The following OR2A12 variants were observed in gnomAD, a reference collection of about 807,000 sequenced individuals.
The protein encoded by OR2A12 is olfactory receptor family 2 subfamily A member 12.
For missense variants in OR2A12, 380 were observed against 372.5 expected (o/e 1.02, Z -0.17); for synonymous variants, 153 against 149.3 (o/e 1.02, Z -0.18).
chr7:144,092,043 G>A (rs1348850137), intron 1 of OR2A12, among the ~76,000 whole-genome samples: 3 of 152,080 alleles, frequency 2.0e-5, no homozygotes, highest in Non-Finnish European at 4.4e-5. Context: ...GTGTAAGGAA[G>A]GGGTCCAGTT....
chr7:144,087,879 G>A (rs2051197986), intron 1 of OR2A12, among the ~76,000 whole-genome samples: 1 of 152,122 alleles, frequency 6.6e-6, no homozygotes, highest in South Asian at 2.1e-4. Context: ...GTTTATTTTT[G>A]TGCATGGTGT....
intron 1 of OR2A12, among the ~76,000 whole-genome samples, chr7:144,089,211 C>A (rs1032393246): frequency 6.6e-6 from 1 of 151,930 alleles, no homozygotes; most frequent in Admixed American, 6.6e-5. Context: ...TGTATAGTAT[C>A]ACCTACATGC....
At chr7:144,090,935 T>A (rs2051223222) in intron 1 of OR2A12, among the ~76,000 whole-genome samples, 1 of 152,214 alleles carries the variant, frequency 6.6e-6, no homozygotes, top group Non-Finnish European at 1.5e-5. Context: ...GTCTACCAGT[T>A]TTTAATATTT....
intron 1 of OR2A12, among the ~76,000 whole-genome samples, chr7:144,088,252 T>C (rs933150793): frequency 5.9e-5 from 9 of 152,174 alleles, no homozygotes; most frequent in Admixed American, 2.6e-4. Flanking sequence ...CCTCAAGTGA[T>C]CCACCCACCT....
chr7:144,093,515 A>G (rs1314415007), intron 1 of OR2A12, among the ~76,000 whole-genome samples: 1 of 151,866 alleles, frequency 6.6e-6, no homozygotes, highest in Non-Finnish European at 1.5e-5. Flanking sequence ...TTTAGGGTAC[A>G]TGTGCACAAC....
At chr7:144,091,119 G>T (rs563874285) in intron 1 of OR2A12, among the ~76,000 whole-genome samples, 1 of 152,158 alleles carries the variant, frequency 6.6e-6, no homozygotes, top group African/African-American at 2.4e-5. Context: ...GGCTGGGTGC[G>T]GTGGCTCATG....
chr7:144,090,235 A>G (rs1365863589), intron 1 of OR2A12, among the ~76,000 whole-genome samples: 1 of 152,120 alleles, frequency 6.6e-6, no homozygotes, highest in Non-Finnish European at 1.5e-5. Flanking sequence ...TACTACTAGA[A>G]AAATTAAATT....
chr7:144,088,040 G>T (rs79060667), intron 1 of OR2A12, among the ~76,000 whole-genome samples: 2 of 152,090 alleles, frequency 1.3e-5, no homozygotes, highest in African/African-American at 4.8e-5. Flanking sequence ...TTGAAACAGC[G>T]TCTCGCTCTG....
At position 144,086,503 on chromosome 7, in the gene OR2A12, G is replaced by T. The variant is rs1403716591; in HGVS notation, c.-92G>T. 6.6e-6 allele frequency: 1 copy of T among 152,414 alleles called. No homozygotes were observed. The highest frequency in any genetic ancestry group is 1.5e-5 in the Non-Finnish European group (1 of 68,124). 9.4% of individuals were successfully genotyped at this position (152,414 alleles called of 1,614,324 possible). A position where few individuals can be genotyped will look rare whatever the true frequency, so the allele number is the denominator to read the frequency against. Reference sequence around the variant, plus strand: ...CTGCTCAGTAGGGAAGACATAGGATGGTGGGAAGACGCTTCATATGTTGTT... The same window carrying T: ...CTGCTCAGTAGGGAAGACATAGGATTGTGGGAAGACGCTTCATATGTTGTT... On this transcript the variant is annotated 5_prime_UTR_variant, in exon 1 of 2. It removes an upstream start codon present in the reference 5' UTR. Coordinates refer to ENST00000641592, the MANE Select transcript of OR2A12 (RefSeq NM_001004135.2).
In OR2A12 at chr7:144,095,867, G is replaced by A. The variant is rs749631010; in HGVS notation, c.760G>A (p.Ala254Thr). 8 of 1,613,928 alleles carry A rather than the reference G, an allele frequency of 5.0e-6. No individual in the cohort carries two copies. The Admixed American group carries it at 6.7e-5, about 13-fold the overall frequency. ...LCVVGLFFGSAIVMYMAPKSS... is the reference protein window; with the variant it reads ...LCVVGLFFGSTIVMYMAPKSS... ...CGTGGTGGGGCTTTTCTTTGGCAGC[G>A]CCATTGTCATGTACATGGCCCCCAA... The change falls in exon 2 of 2, where the codon GCC (alanine) becomes ACC (threonine). Residue 254 changes from alanine (A) to threonine (T), a missense_variant. Transcript: ENST00000641592.
intron 1 of OR2A12, among the ~76,000 whole-genome samples, chr7:144,091,096 A>T (rs2051224125): frequency 6.6e-6 from 1 of 152,190 alleles, no homozygotes; most frequent in East Asian, 1.9e-4. Flanking sequence ...TTAGTTCTTT[A>T]AGAAATCTCC....
At chr7:144,093,447 C>T (rs1163180548) in intron 1 of OR2A12, among the ~76,000 whole-genome samples, 1 of 151,904 alleles carries the variant, frequency 6.6e-6, no homozygotes, top group Non-Finnish European at 1.5e-5. Context: ...GGACATTATC[C>T]TCTTTATTGT....
chr7:144,098,234 C>T lies in OR2A12; in HGVS notation c.*2194C>T, dbSNP rs1242804378. The T allele has an allele frequency of 6.6e-6, 1 of 151,968 alleles. No individual in the cohort carries two copies. Among genetic ancestry groups the T allele is most frequent in the East Asian group, 1.9e-4 (1 of 5,192 alleles). The allele number at this position is 151,968 out of a possible 1,614,324, so 9.4% of individuals were successfully genotyped here. A position where few individuals can be genotyped will look rare whatever the true frequency, so the allele number is the denominator to read the frequency against. ...AGTTTTTCCCTTTATATATTTTTTT[C>T]ACATGTGTGTTGTCAGTTTACAATC... On this transcript the variant is annotated 3_prime_UTR_variant, in exon 2 of 2. Coordinates refer to ENST00000641592, the MANE Select transcript of OR2A12 (RefSeq NM_001004135.2).
intron 1 of OR2A12, among the ~76,000 whole-genome samples, chr7:144,094,798 A>T (rs1052622680): frequency 6.6e-6 from 1 of 152,204 alleles, no homozygotes; most frequent in Non-Finnish European, 1.5e-5. Flanking sequence ...GATTTAGCTG[A>T]TTATTGCTTT....
chr7:144,095,950 C>G lies in OR2A12; in HGVS notation c.843C>G (p.Asn281Lys), dbSNP rs750472792. 1 of 1,614,082 alleles carries G rather than the reference C, an allele frequency of 6.2e-7. No homozygotes were observed. The highest frequency in any genetic ancestry group is 1.1e-5 in the South Asian group (1 of 91,068). ...TTTCCCTGTTTTACAGCCTTTTCAA[C>G]CCGATCCTGAACCCCCTCATCTACA... ...KILSLFYSLF[N>K]PILNPLIYSL... Residue 281 changes from asparagine to lysine, a missense_variant, in exon 2 of 2, where the codon AAC becomes AAG. Physicochemically the swap from Asn to Lys is moderately conservative, Grantham distance 94. Transcript: ENST00000641592.
Position 144,098,573 on chromosome 7 carries a change from T to G in OR2A12, c.*2533T>G, listed in dbSNP as rs537555769. On this transcript the variant is annotated 3_prime_UTR_variant, in exon 2 of 2. Transcript: ENST00000641592. ...GAGTTAGCATAATCAATGGAAAATA[T>G]AGAGTTTAAAAAAATAGGTTCTCTG... The G allele has an allele frequency of 1.3e-5, 2 of 152,264 alleles. No individual in the cohort carries two copies. The highest frequency in any genetic ancestry group is 4.8e-5 in the African/African-American group (2 of 41,554). The allele number at this position is 152,264 out of a possible 1,614,324, so 9.4% of individuals were successfully genotyped here. A position where few individuals can be genotyped will look rare whatever the true frequency, so the allele number is the denominator to read the frequency against.
At chr7:144,091,600 T>A (rs2051228388) in intron 1 of OR2A12, among the ~76,000 whole-genome samples, 1 of 152,212 alleles carries the variant, frequency 6.6e-6, no homozygotes, top group Non-Finnish European at 1.5e-5. Flanking sequence ...TTTGCATTTA[T>A]CTGATGATTA....
rs745692779 is a variant in OR2A12, at chr7:144,095,699, C to T, written c.592C>T (p.Leu198=). Residue 198 remains leucine (L), a synonymous_variant, in exon 2 of 2, where the codon CTA becomes TTA. Transcript: ENST00000641592. ...TGACACTAGGCTCAACCAGGTGGTC[C>T]TATTTGCGGGTTCTGCGTTCATCTT... ...CADTRLNQVV[L]FAGSAFILVG... 5 of 1,614,094 alleles carry T rather than the reference C, an allele frequency of 3.1e-6. No individual in the cohort carries two copies. Among genetic ancestry groups the T allele is most frequent in the Non-Finnish European group, 4.2e-6 (5 of 1,180,020 alleles).
Position 144,096,100 on chromosome 7 carries a change from A to ATTTCC in OR2A12, c.*64_*68dup, listed in dbSNP as rs1476061611. ...GGTTCTCATGACCCTGGGTCCTGAA[A>ATTTCC]TTTCCTTTTTAATTCTTTAATTTAC... On this transcript the variant is annotated 3_prime_UTR_variant, in exon 2 of 2. Coordinates refer to ENST00000641592, the MANE Select transcript of OR2A12 (RefSeq NM_001004135.2). 6.3e-6 allele frequency: 8 copies of ATTTCC among 1,269,336 alleles called. No individual in the cohort carries two copies. Among genetic ancestry groups the ATTTCC allele is most frequent in the Non-Finnish European group, 8.8e-6 (8 of 908,384 alleles). The allele number at this position is 1,269,336 out of a possible 1,614,324, so 78.6% of individuals were successfully genotyped here. A position where few individuals can be genotyped will look rare whatever the true frequency, so the allele number is the denominator to read the frequency against.
Sources: gnomAD v4.1 joint callset for allele counts (sites outside exome capture counted in the v4.1 genomes callset) on GRCh38, gnomAD v4.1.1 for gene constraint, MANE v1.5 for transcripts, NCBI Gene and HGNC (gene_info 2026-07-23, HGNC 2026-07-21) for gene names.